The following CD244 variants were observed in gnomAD, a reference collection of about 807,000 sequenced individuals.
CD244 encodes natural killer cell receptor 2B4.
Under a neutral mutation model 45.5 loss-of-function variants are expected in CD244, and 20 were observed. The observed-to-expected ratio is 0.44, with a 90% CI of 0.31 to 0.64. The LOEUF (loss-of-function observed/expected upper bound fraction) is 0.64, where lower values mean the gene tolerates loss of function less well. Among genes scored for constraint, CD244 ranks in the 30% least tolerant of loss-of-function variants. The pLI is 0.08. For synonymous variants in CD244, 185 were observed against 160.5 expected (o/e 1.15, Z -1.15); for missense variants, 407 against 426.9 (o/e 0.95, Z 0.41).
chr1:160,845,363 C>T (rs933116254), intron 1 of CD244, among the ~76,000 whole-genome samples: 1 of 151,898 alleles, frequency 6.6e-6, no homozygotes, highest in African/African-American at 2.4e-5. Flanking sequence ...GATAAAAATA[C>T]ACAAGAAGGA....
At chr1:160,842,823 G>A (rs1010453430) in intron 1 of CD244, among the ~76,000 whole-genome samples, 11 of 152,170 alleles carry the variant, frequency 7.2e-5, no homozygotes, top group African/African-American at 1.7e-4. Flanking sequence ...AATGAATATG[G>A]GGGTGTGACA....
intron 1 of CD244, among the ~76,000 whole-genome samples, chr1:160,850,528 A>G (rs1463550293): frequency 6.6e-6 from 1 of 152,248 alleles, no homozygotes; most frequent in Non-Finnish European, 1.5e-5. Context: ...AATCTTGATG[A>G]AGAACAAAGC....
intron 1 of CD244, among the ~76,000 whole-genome samples, chr1:160,850,260 T>A (rs1335770610): frequency 6.6e-6 from 1 of 152,002 alleles, no homozygotes; most frequent in Non-Finnish European, 1.5e-5. Context: ...AGAAATAATT[T>A]CAAGAAGAAA....
intron 1 of CD244, among the ~76,000 whole-genome samples, chr1:160,859,459 G>T (rs1200279531): frequency 2.0e-5 from 3 of 152,180 alleles, no homozygotes; most frequent in Admixed American, 2.0e-4. Context: ...AAACAAAGTG[G>T]TTTTTTAAAT....
chr1:160,857,182 C>T (rs1557845334), intron 1 of CD244, among the ~76,000 whole-genome samples: 1 of 152,194 alleles, frequency 6.6e-6, no homozygotes, highest in Non-Finnish European at 1.5e-5. Context: ...ACCTTCAGAA[C>T]CAAAAGCCAG....
intron 1 of CD244, among the ~76,000 whole-genome samples, chr1:160,846,414 C>A (rs1357096235): frequency 1.3e-5 from 2 of 152,242 alleles, no homozygotes; most frequent in Non-Finnish European, 2.9e-5. Context: ...TGCCTGTAAT[C>A]CCCGCACTTT....
Position 160,862,605 on chromosome 1 carries a change from G to A in CD244, c.61+12C>T. ...TCCCTCCCTCGCCCCACGCCAGGTA[G>A]GACCTCCTTACCTTTGCCCTGATAC... On this transcript the variant is annotated intron_variant, in intron 1 of 8. Coordinates refer to ENST00000368034, the MANE Select transcript of CD244 (RefSeq NM_016382.4). The A allele has an allele frequency of 6.2e-7, 1 of 1,612,606 alleles. No homozygotes were observed. Among genetic ancestry groups the A allele is most frequent in the Non-Finnish European group, 8.5e-7 (1 of 1,178,720 alleles).
Position 160,851,924 on chromosome 1 carries a change from TA to T in CD244, c.62-10024del, listed in dbSNP as rs537117414. Among the ~76,000 whole-genome samples the T allele has an allele frequency of 6.8e-4, 103 of 152,312 alleles. 3 individuals carry two copies. In the South Asian group the frequency reaches 0.02, roughly 30 times the overall value. Reference sequence around the variant, plus strand: ...AGAATATTGATAAATTGGACTTCACTAAAACTTAGAACTTCTGTTTGGTGAA... The same window carrying T: ...AGAATATTGATAAATTGGACTTCACTAAACTTAGAACTTCTGTTTGGTGAA... On this transcript the variant is annotated intron_variant, in intron 1 of 8. Coordinates refer to ENST00000368034, the MANE Select transcript of CD244 (RefSeq NM_016382.4).
intron 1 of CD244, among the ~76,000 whole-genome samples, chr1:160,859,697 G>A (rs1001905347): frequency 5.3e-5 from 8 of 150,716 alleles, no homozygotes; most frequent in East Asian, 3.9e-4. Flanking sequence ...GCCTGAGCCC[G>A]GGAGTTCAAG....
At chr1:160,832,473 G>T in intron 8 of CD244, 46 bp downstream of exon 8, 2 of 1,173,166 alleles carry the variant, frequency 1.7e-6, no homozygotes, top group Non-Finnish European at 2.5e-6. Flanking sequence ...AGATTTCAGG[G>T]CTATGCAACA....
intron 6 of CD244, among the ~76,000 whole-genome samples, chr1:160,835,264 A>C (rs150937472): frequency 1.3e-5 from 2 of 152,130 alleles, no homozygotes; most frequent in Non-Finnish European, 2.9e-5. Flanking sequence ...TAATCCCAGA[A>C]TATAAGAGGT....
In CD244 at chr1:160,837,560, T is replaced by G. The variant is rs115617601; in HGVS notation, c.834+891A>C. On this transcript the variant is annotated intron_variant, in intron 5 of 8. Transcript: ENST00000368034. Reference sequence around the variant, plus strand: ...AACAGCCTCTGAACCCAGAGGCATCTGGGAGAGGATGCTTGCCTGCTCTGC... The same window carrying G: ...AACAGCCTCTGAACCCAGAGGCATCGGGGAGAGGATGCTTGCCTGCTCTGC... Among the ~76,000 whole-genome samples the G allele has an allele frequency of 8.2e-3, 1,245 of 152,332 alleles. 11 individuals are homozygous for G. Among genetic ancestry groups the G allele is most frequent in the African/African-American group, 0.028 (1,162 of 41,584 alleles).
chr1:160,861,232 G>T (rs1670291705), intron 1 of CD244, among the ~76,000 whole-genome samples: 1 of 152,106 alleles, frequency 6.6e-6, no homozygotes, highest in South Asian at 2.1e-4. Context: ...AGAGCTGCAG[G>T]CTCCACTCCT....
At chr1:160,841,997 G>A in intron 1 of CD244, 96 bp from the exon 2 acceptor site, 2 of 979,058 alleles carry the variant, frequency 2.0e-6, no homozygotes, top group South Asian at 1.5e-5. Context: ...CAATTGGGTG[G>A]GGATGAGTAT....
At chr1:160,847,343 C>T (rs1375299202) in intron 1 of CD244, among the ~76,000 whole-genome samples, 1 of 151,824 alleles carries the variant, frequency 6.6e-6, no homozygotes, top group Non-Finnish European at 1.5e-5. Flanking sequence ...GATCATTAAA[C>T]CAATATATAT....
At position 160,831,236 on chromosome 1, in the gene CD244, T is replaced by C. The variant is rs1355462002; in HGVS notation, c.*111A>G. 1 of 748,162 alleles carries C rather than the reference T, an allele frequency of 1.3e-6. No homozygotes were observed. Among genetic ancestry groups the C allele is most frequent in the Non-Finnish European group, 2.3e-6 (1 of 431,254 alleles). The allele number at this position is 748,162 out of a possible 1,614,324, so 46.3% of individuals were successfully genotyped here. A position where few individuals can be genotyped will look rare whatever the true frequency, so the allele number is the denominator to read the frequency against. Reference sequence around the variant, plus strand: ...AATATAGAACAAGAACAAATTTCCATATCCTCTCCAGACTAGGAACTGTTC... The same window carrying C: ...AATATAGAACAAGAACAAATTTCCACATCCTCTCCAGACTAGGAACTGTTC... On this transcript the variant is annotated 3_prime_UTR_variant, in exon 9 of 9. Coordinates refer to ENST00000368034, the MANE Select transcript of CD244 (RefSeq NM_016382.4).
chr1:160,838,574 G>C, intron 4 of CD244, 56 bp from the exon 5 acceptor site: 1 of 1,244,122 alleles, frequency 8.0e-7, no homozygotes, highest in Non-Finnish European at 1.2e-6. Flanking sequence ...AAGGGCTTTT[G>C]CTTCTAACAG....
chr1:160,830,784 A>C lies in CD244; in HGVS notation c.*563T>G, dbSNP rs1414949229. ...AGGTAAAGGTATGAGATGCAGGGAG[A>C]AAGTTTTTTCTCTGCAATTGAGTAA... On this transcript the variant is annotated 3_prime_UTR_variant, in exon 9 of 9. Coordinates refer to ENST00000368034, the MANE Select transcript of CD244 (RefSeq NM_016382.4). The C allele has an allele frequency of 1.3e-5, 2 of 153,328 alleles. No individual in the cohort carries two copies. Among genetic ancestry groups the C allele is most frequent in the Admixed American group, 6.5e-5 (1 of 15,444 alleles). The allele number at this position is 153,328 out of a possible 1,614,324, so 9.5% of individuals were successfully genotyped here. A position where few individuals can be genotyped will look rare whatever the true frequency, so the allele number is the denominator to read the frequency against.
At chr1:160,846,959 G>T (rs1034972483) in intron 1 of CD244, among the ~76,000 whole-genome samples, 2 of 151,924 alleles carry the variant, frequency 1.3e-5, no homozygotes, top group African/African-American at 4.8e-5. Flanking sequence ...AATACCTGTG[G>T]TAACCATTGA....
Sources: gnomAD v4.1 joint callset for allele counts (sites outside exome capture counted in the v4.1 genomes callset) on GRCh38, gnomAD v4.1.1 for gene constraint, MANE v1.5 for transcripts, NCBI Gene and HGNC (gene_info 2026-07-23, HGNC 2026-07-21) for gene names.